Variants in FRS2 observed in about 807,000 individuals in gnomAD.
The protein encoded by FRS2 is FGFR signalling adaptor.
Under a neutral mutation model 43.9 loss-of-function variants are expected in FRS2, and 8 were observed. The ratio of observed to expected loss-of-function variants is 0.18; its 90% confidence interval spans 0.11 to 0.33. The LOEUF is 0.33. Among genes scored for constraint, FRS2 ranks in the 10% least tolerant of loss-of-function variants. FRS2 has a pLI of 1.00. For synonymous variants in FRS2, 219 were observed against 220.3 expected (o/e 0.99, Z 0.05); for missense variants, 534 against 627.6 (o/e 0.85, Z 1.59).
intron 4 of FRS2, among the ~76,000 whole-genome samples, chr12:69,567,438 A>G (rs1016000781): frequency 2.0e-5 from 3 of 152,286 alleles, no homozygotes; most frequent in African/African-American, 7.2e-5. Context: ...CACAGGTCCT[A>G]TAGCACCTTC....
chr12:69,519,877 C>T lies in FRS2; in HGVS notation c.-260-10988C>T, dbSNP rs116905156. Among the ~76,000 whole-genome samples, 1,511 of 152,234 alleles carry T rather than the reference C, an allele frequency of 9.9e-3. 10 individuals carry two copies. The highest frequency in any genetic ancestry group is 0.017 in the Middle Eastern group (5 of 294). On this transcript the variant is annotated intron_variant, in intron 1 of 8. Transcript: ENST00000549921. ...TAGTGTTGCAGTGATCATATATGTG[C>T]GTATGTCTTTATGACAGAACGATTT... is the stretch of plus-strand genomic sequence containing the variant.
chr12:69,562,481 G>A (rs566760587), intron 4 of FRS2, among the ~76,000 whole-genome samples: 1 of 152,008 alleles, frequency 6.6e-6, no homozygotes, highest in Admixed American at 6.6e-5. Flanking sequence ...TTTAATGAGA[G>A]AATTTAATAA....
intron 3 of FRS2, among the ~76,000 whole-genome samples, chr12:69,553,197 G>A (rs934771227): frequency 1.3e-5 from 2 of 151,574 alleles, no homozygotes; most frequent in East Asian, 3.9e-4. Flanking sequence ...TCAGCCTCCC[G>A]AGTAGTTGGG....
intron 3 of FRS2, 145 bp from the exon 4 acceptor site, chr12:69,562,035 A>C: frequency 2.6e-6 from 1 of 383,758 alleles, no homozygotes; most frequent in Non-Finnish European, 4.6e-6. Context: ...AATTGATGTT[A>C]TATGTTAAAT....
intron 3 of FRS2, among the ~76,000 whole-genome samples, chr12:69,555,708 C>T (rs1220862673): frequency 6.6e-6 from 1 of 152,074 alleles, no homozygotes; most frequent in Non-Finnish European, 1.5e-5. Context: ...TGTTTTGGTC[C>T]ATACAGAGGC....
chr12:69,541,916 CTTCTTA>C (rs919214860), intron 3 of FRS2, among the ~76,000 whole-genome samples: 2 of 150,330 alleles, frequency 1.3e-5, no homozygotes, highest in Non-Finnish European at 3.0e-5. Context: ...TGTAAAAAGT[CTTCTTA>C]TTCTTTGATG....
intron 1 of FRS2, among the ~76,000 whole-genome samples, chr12:69,496,598 C>G (rs1181129272): frequency 6.6e-6 from 1 of 152,144 alleles, no homozygotes; most frequent in Admixed American, 6.5e-5. Flanking sequence ...GGCTTCAGAT[C>G]AGGTATATAT....
At chr12:69,474,218 G>T (rs1870563558) in intron 1 of FRS2, among the ~76,000 whole-genome samples, 2 of 152,164 alleles carry the variant, frequency 1.3e-5, no homozygotes, top group Admixed American at 6.5e-5. Flanking sequence ...GGTACGTAAT[G>T]AGATCAGTTT....
At chr12:69,508,024 CAAAAAAAAAA>C (rs11365179) in intron 1 of FRS2, among the ~76,000 whole-genome samples, 1,072 of 47,700 alleles carry the variant, frequency 0.022, 19 homozygotes, top group African/African-American at 0.072. Flanking sequence ...AACCCCGTCT[CAAAAAAAAAA>C]AAAAAAAAAA....
chr12:69,506,221 CTTAATG>C (rs1327860837), intron 1 of FRS2, among the ~76,000 whole-genome samples: 4 of 152,166 alleles, frequency 2.6e-5, no homozygotes, highest in Admixed American at 6.5e-5. Flanking sequence ...AGTTTATTGT[CTTAATG>C]TTAATAAGAG....
At chr12:69,476,724 T>G (rs999273086) in intron 1 of FRS2, among the ~76,000 whole-genome samples, 4 of 30,718 alleles carry the variant, frequency 1.3e-4, no homozygotes, top group Non-Finnish European at 2.6e-4. Flanking sequence ...CTGGTTCACT[T>G]GGGTGGGCAG....
chr12:69,516,808 A>T (rs1404597115), intron 1 of FRS2, among the ~76,000 whole-genome samples: 2 of 152,314 alleles, frequency 1.3e-5, no homozygotes, highest in Non-Finnish European at 2.9e-5. Context: ...GCATAAAAGC[A>T]GTTGATGTTA....
chr12:69,557,594 T>TTGTGTGTGTGTGTGTGTGTG (rs376896422), intron 3 of FRS2, among the ~76,000 whole-genome samples: 303 of 137,046 alleles, frequency 2.2e-3, no homozygotes, highest in African/African-American at 3.9e-3. Flanking sequence ...TGAAGGTTGA[T>TTGTGTGTGTGTGTGTGTGTG]TGTGTGTGTG....
At chr12:69,504,272 G>A (rs1036543621) in intron 1 of FRS2, among the ~76,000 whole-genome samples, 1 of 152,166 alleles carries the variant, frequency 6.6e-6, no homozygotes, top group African/African-American at 2.4e-5. Context: ...AGCTGAGGCA[G>A]GTGAATTGCT....
intron 1 of FRS2, among the ~76,000 whole-genome samples, chr12:69,478,948 CTTT>C (rs75219491): frequency 7.1e-6 from 1 of 140,912 alleles, no homozygotes. Flanking sequence ...ATATGAATGT[CTTT>C]TTTTTTTTTT....
At chr12:69,569,643 T>A (rs1880584324) in intron 5 of FRS2, among the ~76,000 whole-genome samples, 1 of 152,242 alleles carries the variant, frequency 6.6e-6, no homozygotes, top group African/African-American at 2.4e-5. Flanking sequence ...TCTGTCACTT[T>A]ATAAGCTTTG....
chr12:69,558,171 C>T (rs997931452), intron 3 of FRS2, among the ~76,000 whole-genome samples: 1 of 152,120 alleles, frequency 6.6e-6, no homozygotes, highest in Non-Finnish European at 1.5e-5. Flanking sequence ...ACGTTCAGGT[C>T]ATTGTACAGT....
At chr12:69,572,501 C>T (rs1482759619) in intron 8 of FRS2, among the ~76,000 whole-genome samples, 2 of 152,144 alleles carry the variant, frequency 1.3e-5, no homozygotes, top group Non-Finnish European at 2.9e-5. Context: ...CTTGTGGGTT[C>T]ACAGAAGAGG....
chr12:69,511,757 G>A (rs2870896), intron 1 of FRS2, among the ~76,000 whole-genome samples: 3,232 of 152,150 alleles, frequency 0.021, 105 homozygotes, highest in African/African-American at 0.074. Flanking sequence ...TGTAAATCTT[G>A]TTTCTTTTCT....
Sources: gnomAD v4.1 joint callset for allele counts (sites outside exome capture counted in the v4.1 genomes callset) on GRCh38, gnomAD v4.1.1 for gene constraint, MANE v1.5 for transcripts, NCBI Gene and HGNC (gene_info 2026-07-23, HGNC 2026-07-21) for gene names.